CCNH: variants seen among roughly 807,000 people sequenced by gnomAD.
CCNH encodes the protein cyclin-H.
In CCNH, 31 loss-of-function variants were observed where a neutral mutation model predicts 41.9. The ratio of observed to expected loss-of-function variants is 0.74; its 90% CI spans 0.56 to 1.00. The LOEUF is 1.00. Ranked by LOEUF, CCNH falls within the 50% of genes least tolerant of loss-of-function variation. The probability of loss-of-function intolerance (pLI) is 0.00; values close to 1 mark genes in which losing one functional copy is unlikely to be tolerated. For synonymous variants in CCNH, 138 were observed against 136.1 expected (o/e 1.01, Z -0.10); for missense variants, 362 against 388.4 (o/e 0.93, Z 0.57).
intron 9 of CCNH, among the ~76,000 whole-genome samples, chr5:87,344,081 AG>A (rs1457869273): frequency 6.6e-6 from 1 of 152,136 alleles, no homozygotes; most frequent in Non-Finnish European, 1.5e-5. Context: ...GTAGCAGGGA[AG>A]GGGGGATACA....
intron 9 of CCNH, among the ~76,000 whole-genome samples, chr5:87,326,558 A>G (rs1257409812): frequency 1.3e-5 from 2 of 152,184 alleles, no homozygotes; most frequent in East Asian, 3.8e-4. Context: ...GGCAAAGAAG[A>G]AGAGAGAGGG....
At chr5:87,334,443 C>A (rs1405820841) in intron 9 of CCNH, among the ~76,000 whole-genome samples, 1 of 152,178 alleles carries the variant, frequency 6.6e-6, no homozygotes, top group African/African-American at 2.4e-5. Flanking sequence ...TCCAGAAACA[C>A]CCTCACAGAG....
At chr5:87,398,057 C>CA (rs1763101384) in intron 7 of CCNH, among the ~76,000 whole-genome samples, 1 of 152,198 alleles carries the variant, frequency 6.6e-6, no homozygotes. Context: ...ATCAGTGCTG[C>CA]AATACTTTTA....
chr5:87,315,006 T>C (rs1235882227), downstream of CCNH, among the ~76,000 whole-genome samples: 3 of 152,222 alleles, frequency 2.0e-5, no homozygotes, highest in African/African-American at 4.8e-5. Context: ...GAGGGCATTA[T>C]ATTTGGGAGC....
upstream of CCNH, among the ~76,000 whole-genome samples, chr5:87,381,991 G>T (rs913519510): frequency 1.3e-5 from 2 of 152,132 alleles, no homozygotes; most frequent in East Asian, 1.9e-4. Context: ...TTGCTCTGTT[G>T]CCCATGCTGG....
intron 9 of CCNH, chr5:87,362,709 G>A (rs2112457651): frequency 1.9e-6 from 3 of 1,588,198 alleles, no homozygotes; most frequent in Non-Finnish European, 8.6e-7. Flanking sequence ...ATTTGATAGA[G>A]ACGTTGTAAA....
chr5:87,351,833 C>G (rs140796610), intron 9 of CCNH, among the ~76,000 whole-genome samples: 1 of 151,864 alleles, frequency 6.6e-6, no homozygotes, highest in East Asian at 1.9e-4. Flanking sequence ...CTGTACTTCC[C>G]CATGGTTTCC....
intron 9 of CCNH, among the ~76,000 whole-genome samples, chr5:87,357,000 A>T (rs1275961086): frequency 6.6e-6 from 1 of 152,198 alleles, no homozygotes; most frequent in African/African-American, 2.4e-5. Flanking sequence ...TATTGATTGA[A>T]TGAATGATTC....
At chr5:87,330,836 C>G in intron 9 of CCNH, 1 of 624,164 alleles carries the variant, frequency 1.6e-6, no homozygotes, top group Non-Finnish European at 2.4e-6. Context: ...GCTTCACGTT[C>G]AAACAGGAAA....
At chr5:87,335,919 A>G (rs1757943139) in intron 9 of CCNH, among the ~76,000 whole-genome samples, 1 of 152,214 alleles carries the variant, frequency 6.6e-6, no homozygotes, top group Non-Finnish European at 1.5e-5. Context: ...ATAGTTTTGG[A>G]TTCCATATTA....
intron 9 of CCNH, among the ~76,000 whole-genome samples, chr5:87,349,724 A>G (rs1389284544): frequency 6.6e-6 from 1 of 151,940 alleles, no homozygotes; most frequent in Admixed American, 6.6e-5. Context: ...AGTAGGAAAA[A>G]AAAAGTTTCT....
chr5:87,317,444 C>CTGAAAGCTTTTTCCATCCTAGATATT (rs1417774174), downstream of CCNH, among the ~76,000 whole-genome samples: 5 of 152,066 alleles, frequency 3.3e-5, no homozygotes, highest in African/African-American at 1.2e-4. Flanking sequence ...GACTAGATAT[C>CTGAAAGCTTTTTCCATCCTAGATATT]TGAAAGCTTT....
chr5:87,320,422 A>G (rs1405358091), intron 9 of CCNH, among the ~76,000 whole-genome samples: 1 of 152,190 alleles, frequency 6.6e-6, no homozygotes, highest in Non-Finnish European at 1.5e-5. Flanking sequence ...TATGAAGAAA[A>G]GGTTTAATTG....
Position 87,350,050 on chromosome 5 carries a change from T to TA in CCNH, c.*91-31154dup, listed in dbSNP as rs1759145487. On this transcript the variant is annotated intron_variant and NMD_transcript_variant, in intron 9 of 9. Transcript: ENST00000645953. Reference sequence around the variant, plus strand: ...GCATAATCTTGTTCTAAAATGCTTATATTTGCCTAGTTTAACCCCTCAGTA... The same window carrying TA: ...GCATAATCTTGTTCTAAAATGCTTATAATTTGCCTAGTTTAACCCCTCAGTA... Among the ~76,000 whole-genome samples, 3 of 151,948 alleles carry TA rather than the reference T, an allele frequency of 2.0e-5. No homozygotes were observed. The South Asian group carries it at 6.2e-4, about 31-fold the overall frequency.
At chr5:87,355,022 T>G (rs1334450954) in intron 9 of CCNH, among the ~76,000 whole-genome samples, 1 of 152,124 alleles carries the variant, frequency 6.6e-6, no homozygotes, top group Non-Finnish European at 1.5e-5. Flanking sequence ...CAGAGATTGA[T>G]TCATAAGATT....
chr5:87,359,639 A>T (rs965269747), intron 9 of CCNH, among the ~76,000 whole-genome samples: 1 of 152,216 alleles, frequency 6.6e-6, no homozygotes, highest in African/African-American at 2.4e-5. Context: ...ATCACCATTG[A>T]ACTAAAGATT....
At chr5:87,391,045 CTA>C (rs1762476965), downstream of CCNH, 1 of 737,200 alleles carries the variant, frequency 1.4e-6, no homozygotes, top group Middle Eastern at 2.4e-4. Flanking sequence ...TGGTGAATAA[CTA>C]TGCCAGCAAC....
chr5:87,349,177 G>T (rs528590847), intron 9 of CCNH: 1 of 1,604,566 alleles, frequency 6.2e-7, no homozygotes, highest in African/African-American at 1.3e-5. Context: ...TTTTTTATTT[G>T]ATAATTAGGG....
At chr5:87,408,738 T>C (rs1003167007) in intron 3 of CCNH, among the ~76,000 whole-genome samples, 7 of 152,114 alleles carry the variant, frequency 4.6e-5, no homozygotes, top group Admixed American at 6.5e-5. Context: ...TAAAAAACAG[T>C]TGGCAGTGAG....
Sources: gnomAD v4.1 joint callset for allele counts (sites outside exome capture counted in the v4.1 genomes callset) on GRCh38, gnomAD v4.1.1 for gene constraint, MANE v1.5 for transcripts, NCBI Gene and HGNC (gene_info 2026-07-23, HGNC 2026-07-21) for gene names.